The following TAFA5 variants were observed in gnomAD, a reference collection of about 807,000 sequenced individuals.
The protein encoded by TAFA5 is chemokine-like protein TAFA-5.
In TAFA5, 6 loss-of-function variants were observed where a neutral mutation model predicts 15.3. The observed-to-expected ratio is 0.39, with a 90% CI of 0.21 to 0.77. TAFA5 has a LOEUF of 0.77. Ranked by LOEUF, TAFA5 falls within the 30% of genes least tolerant of loss-of-function variation. The pLI, the probability that TAFA5 is intolerant of heterozygous loss-of-function variation, is 0.41. For synonymous variants in TAFA5, 103 were observed against 80.7 expected, an observed-to-expected ratio of 1.28 and a Z score of -1.48; for missense variants, 161 against 193.1, an observed-to-expected ratio of 0.83 and a Z score of 0.98.
intron 1 of TAFA5, chr22:48,544,655 G>T: frequency 2.1e-6 from 1 of 470,254 alleles, no homozygotes. Context: ...AAGGCCTGAT[G>T]TGCACTAAGC....
chr22:48,660,479 A>G (rs1238468416), intron 2 of TAFA5, among the ~76,000 whole-genome samples: 3 of 152,238 alleles, frequency 2.0e-5, no homozygotes, highest in Non-Finnish European at 4.4e-5. Context: ...GGTTGTAAGA[A>G]TGAACTTAAA....
chr22:48,516,954 C>G (rs1036745882), intron 1 of TAFA5, among the ~76,000 whole-genome samples: 7 of 152,216 alleles, frequency 4.6e-5, no homozygotes, highest in Non-Finnish European at 8.8e-5. Context: ...ATTTATTTTT[C>G]GCATAGTTAA....
chr22:48,578,068 G>T (rs1403520508), intron 1 of TAFA5, among the ~76,000 whole-genome samples: 2 of 152,258 alleles, frequency 1.3e-5, no homozygotes, highest in Non-Finnish European at 2.9e-5. Context: ...TGGCAAAGGG[G>T]TCCCTGCTCT....
At chr22:48,718,122 G>A (rs75350880) in intron 3 of TAFA5, among the ~76,000 whole-genome samples, 13,430 of 152,210 alleles carry the variant, frequency 0.088, 928 homozygotes, top group East Asian at 0.42. Context: ...CGGAGGGCCC[G>A]GGAGGGTCTG....
intron 1 of TAFA5, among the ~76,000 whole-genome samples, chr22:48,511,608 G>T (rs1057393513): frequency 6.6e-6 from 1 of 152,294 alleles, no homozygotes; most frequent in East Asian, 1.9e-4. Context: ...AGACAGAGGC[G>T]TCTGCTGTGC....
Sources: allele counts gnomAD v4.1 joint callset (sites outside exome capture counted in the v4.1 genomes callset), GRCh38; gene constraint gnomAD v4.1.1; transcripts MANE v1.5; gene names NCBI Gene and HGNC (gene_info 2026-07-23, HGNC 2026-07-21).